Variants in QRICH1 observed in about 807,000 individuals in gnomAD.
The protein encoded by QRICH1 is glutamine rich 1.
Under a neutral mutation model 87.1 loss-of-function variants are expected in QRICH1, and 16 were observed. That is an observed-to-expected ratio of 0.18 (90% CI 0.12 to 0.28). The LOEUF is 0.28. QRICH1 is among the 10% of genes least tolerant of loss of function. The pLI is 1.00. For missense variants in QRICH1, 647 were observed against 951.7 expected (o/e 0.68, Z 4.21); for synonymous variants, 367 against 368.4 (o/e 1.00, Z 0.05).
At position 49,030,254 on chromosome 3, in the gene QRICH1, TGAG is replaced by T; in HGVS notation, c.*195_*197del. 1 of 579,528 alleles carries T rather than the reference TGAG, an allele frequency of 1.7e-6. No homozygotes were observed. The allele number at this position is 579,528 out of a possible 1,614,324, so 35.9% of individuals were successfully genotyped here. ...AAGGAAACCCAGAGCCACCATCGGC[TGAG>T]GAGTCTGCCGCAGCAGGTTTATGAA... is the stretch of plus-strand genomic sequence containing the variant. On this transcript the variant is annotated 3_prime_UTR_variant, in exon 10 of 10. Coordinates refer to ENST00000395443, the MANE Select transcript of QRICH1 (RefSeq NM_198880.3).
chr3:49,057,042 T>C lies in QRICH1; in HGVS notation c.1158A>G (p.Ala386=), dbSNP rs370514006. Reference sequence around the variant, plus strand: ...TGTGGATGTTGCCATTCATGAACTGTGCTGGAAAGAGAGAGTTTGCAAGGG... The same window carrying C: ...TGTGGATGTTGCCATTCATGAACTGCGCTGGAAAGAGAGAGTTTGCAAGGG... The part of the protein sequence containing the change: ...VQTLANSLFP[A]QFMNGNIHIP... The change falls in exon 3 of 10, where the codon GCA becomes GCG. Residue 386 remains alanine (A), a synonymous_variant. Transcript: ENST00000395443. This position sits in a 1 kb window ranked among gnomAD's most constrained non-coding sequence, Gnocchi z 5.4. The C allele has an allele frequency of 7.4e-5, 120 of 1,614,080 alleles. No individual in the cohort carries two copies. The highest frequency in any genetic ancestry group is 1.6e-4 in the Middle Eastern group (1 of 6,084).
intron 3 of QRICH1, among the ~76,000 whole-genome samples, chr3:49,051,766 CAGGAGTCTGGCTG>C (rs1250478413): frequency 6.6e-6 from 1 of 152,140 alleles, no homozygotes; most frequent in Non-Finnish European, 1.5e-5. Context: ...ACTGGAAATC[CAGGAGTCTGGCTG>C]AACAAGTAGG....
At chr3:49,032,813 CG>C (rs1559922337) in intron 7 of QRICH1, 40 bp from the exon 8 acceptor site, 1 of 1,579,800 alleles carries the variant, frequency 6.3e-7, no homozygotes. Context: ...GGAGGGGTGC[CG>C]GGAGGATACC....
chr3:49,063,714 A>G (rs2093448861), intron 2 of QRICH1, among the ~76,000 whole-genome samples: 1 of 152,180 alleles, frequency 6.6e-6, no homozygotes, highest in African/African-American at 2.4e-5. Context: ...ACTTGAGCCC[A>G]GGAGATTGAG....
intron 3 of QRICH1, among the ~76,000 whole-genome samples, chr3:49,050,063 G>A (rs1220803098): frequency 1.5e-4 from 23 of 150,780 alleles, no homozygotes; most frequent in Admixed American, 9.9e-4. Context: ...TAGGCTGGGC[G>A]CGGTGGCTCA....
chr3:49,063,528 C>T (rs1362532945), intron 2 of QRICH1, among the ~76,000 whole-genome samples: 1 of 152,208 alleles, frequency 6.6e-6, no homozygotes, highest in East Asian at 1.9e-4. Context: ...CGTGGTCATG[C>T]CTGTAATCCC....
Position 49,029,735 on chromosome 3 carries a change from ATAAACAAC to A in QRICH1, c.*709_*716del, listed in dbSNP as rs2093221720. The A allele has an allele frequency of 2.9e-6, 1 of 340,404 alleles. No individual in the cohort carries two copies. The allele number at this position is 340,404 out of a possible 1,614,324, so 21.1% of individuals were successfully genotyped here. ...TGAAAAGACGTGCTTGTCATTCTTA[ATAAACAAC>A]TAGAGTAAGAATACATAAGAGAAAC... On this transcript the variant is annotated 3_prime_UTR_variant, in exon 10 of 10. Transcript: ENST00000395443.
At chr3:49,075,202 T>C (rs1250369031) in intron 2 of QRICH1, among the ~76,000 whole-genome samples, 1 of 151,106 alleles carries the variant, frequency 6.6e-6, no homozygotes, top group African/African-American at 2.4e-5. Context: ...TGGTGGTACA[T>C]GCCTGTGGTC....
At chr3:49,089,508 AG>A (rs2042232336) in intron 1 of QRICH1, among the ~76,000 whole-genome samples, 1 of 152,224 alleles carries the variant, frequency 6.6e-6, no homozygotes, top group African/African-American at 2.4e-5. Context: ...GTATATATGA[AG>A]GAACTTTTTT....
intron 1 of QRICH1, among the ~76,000 whole-genome samples, chr3:49,080,450 C>T (rs1383543702): frequency 1.3e-5 from 2 of 151,628 alleles, no homozygotes; most frequent in Admixed American, 1.3e-4. Flanking sequence ...TGCTTCCCAA[C>T]GGAGTAGATG....
chr3:49,085,124 C>T (rs1426296746), intron 1 of QRICH1, among the ~76,000 whole-genome samples: 2 of 151,070 alleles, frequency 1.3e-5, no homozygotes, highest in Middle Eastern at 3.4e-3. Context: ...GCCTGGGCGA[C>T]AGAGCAAGAC....
At chr3:49,032,382 T>C in intron 8 of QRICH1, 109 bp from the exon 9 acceptor site, 2 of 433,780 alleles carry the variant, frequency 4.6e-6, no homozygotes, top group Non-Finnish European at 7.6e-6. Context: ...AAATACAGGG[T>C]CGGGGGAGGG....
chr3:49,064,234 ATTTTTTT>A (rs1029737044), intron 2 of QRICH1, among the ~76,000 whole-genome samples: 30 of 92,318 alleles, frequency 3.2e-4, no homozygotes, highest in Admixed American at 4.6e-4. Flanking sequence ...GCTGGCCCTA[ATTTTTTT>A]TTTTTTTTTT....
At chr3:49,078,809 A>T (rs6446248) in intron 1 of QRICH1, among the ~76,000 whole-genome samples, 1 of 145,200 alleles carries the variant, frequency 6.9e-6, no homozygotes, top group East Asian at 2.0e-4. Context: ...TTCCTGCCTC[A>T]GCCTCCCGAG....
chr3:49,049,325 A>G, intron 3 of QRICH1, among the ~76,000 whole-genome samples: 1 of 151,654 alleles, frequency 6.6e-6, no homozygotes, highest in Non-Finnish European at 1.5e-5. Flanking sequence ...CATGCCTGTA[A>G]TCTCAGCTAC....
chr3:49,090,733 A>G (rs1030992549), intron 1 of QRICH1, among the ~76,000 whole-genome samples: 1 of 152,284 alleles, frequency 6.6e-6, no homozygotes, highest in Admixed American at 6.5e-5. Flanking sequence ...GAGTGAGACC[A>G]AAGGAGCACT....
chr3:49,090,041 G>A (rs2107055561), intron 1 of QRICH1, among the ~76,000 whole-genome samples: 1 of 152,196 alleles, frequency 6.6e-6, no homozygotes, highest in South Asian at 2.1e-4. Flanking sequence ...ATGGGCGGGC[G>A]CAGTGGCTCA....
chr3:49,046,403 C>G, intron 5 of QRICH1, 22 bp downstream of exon 5: 1 of 1,602,794 alleles, frequency 6.2e-7, no homozygotes, highest in East Asian at 2.2e-5. Context: ...CAAACATGTT[C>G]TTGTGAAGAT....
chr3:49,081,024 AT>A (rs749540160), intron 1 of QRICH1, among the ~76,000 whole-genome samples: 18 of 151,212 alleles, frequency 1.2e-4, no homozygotes, highest in Admixed American at 2.6e-4. Context: ...AAAACTAAAA[AT>A]CACCCTCCTC....
Sources: allele counts gnomAD v4.1 joint callset (sites outside exome capture counted in the v4.1 genomes callset), GRCh38; gene constraint gnomAD v4.1.1; non-coding constraint Gnocchi (gnomAD v3.1); transcripts MANE v1.5; gene names NCBI Gene and HGNC (gene_info 2026-07-23, HGNC 2026-07-21).